The following APBB2 variants were observed in gnomAD, a reference collection of about 807,000 sequenced individuals.
The protein encoded by APBB2 is amyloid beta precursor protein binding family B member 2, also known as Fe65-like 1.
Under a neutral mutation model 82.5 loss-of-function variants are expected in APBB2, and 38 were observed. The observed-to-expected ratio is 0.46, with a 90% confidence interval of 0.36 to 0.60. The LOEUF is 0.60. Among genes scored for constraint, APBB2 ranks in the 20% least tolerant of loss-of-function variants. APBB2 has a pLI of 0.00. For synonymous variants in APBB2, 341 were observed against 368.2 expected, an observed-to-expected ratio of 0.93 and a Z score of 0.85; for missense variants, 772 against 972.3, an observed-to-expected ratio of 0.79 and a Z score of 2.74.
intron 2 of APBB2, among the ~76,000 whole-genome samples, chr4:41,140,443 TA>T (rs1281227511): frequency 2.0e-5 from 3 of 152,226 alleles, no homozygotes; most frequent in African/African-American, 7.2e-5. Context: ...TCTACCTTGT[TA>T]AATAATCGCC....
intron 12 of APBB2, among the ~76,000 whole-genome samples, chr4:40,872,546 T>A (rs1343509488): frequency 1.3e-5 from 2 of 152,092 alleles, no homozygotes; most frequent in Non-Finnish European, 2.9e-5. Context: ...CATGGCTACA[T>A]CCTTGGTGCC....
chr4:40,816,254 T>C lies in APBB2; in HGVS notation c.2118A>G (p.Arg706=), dbSNP rs1249493253. 5 of 1,614,020 alleles carry C rather than the reference T, an allele frequency of 3.1e-6. No individual in the cohort carries two copies. The highest frequency in any genetic ancestry group is 1.3e-5 in the African/African-American group (1 of 74,918). The part of the protein sequence containing the change: ...SEAVQAACML[R]YQKCLVARPP... Reference sequence around the variant, plus strand: ...GCCTGGCTACCAAGCACTTCTGATATCGTAACTGAAATAAAACAAAACGTG... The same window carrying C: ...GCCTGGCTACCAAGCACTTCTGATACCGTAACTGAAATAAAACAAAACGTG... The change falls in exon 18 of 18, where the codon CGA becomes CGG. Residue 706 remains arginine (R), a synonymous_variant. Coordinates refer to ENST00000508593, the MANE Select transcript of APBB2 (RefSeq NM_004307.2).
chr4:40,983,043 A>T (rs1441578046), intron 6 of APBB2, among the ~76,000 whole-genome samples: 1 of 152,212 alleles, frequency 6.6e-6, no homozygotes, highest in East Asian at 1.9e-4. Flanking sequence ...GGGCTATGAA[A>T]ATACTAAGCA....
intron 10 of APBB2, among the ~76,000 whole-genome samples, chr4:40,924,907 A>G (rs1264160158): frequency 2.0e-5 from 3 of 152,258 alleles, no homozygotes; most frequent in African/African-American, 7.2e-5. Flanking sequence ...ATCTGTTCCT[A>G]AAAGCATTTG....
intron 6 of APBB2, among the ~76,000 whole-genome samples, chr4:40,994,978 T>C (rs539852263): frequency 9.9e-5 from 15 of 152,096 alleles, no homozygotes; most frequent in Middle Eastern, 3.4e-3. Context: ...AAAGCAATCA[T>C]TCCCTTTTCT....
chr4:41,090,417 T>G (rs764412070), intron 3 of APBB2, among the ~76,000 whole-genome samples: 3 of 152,198 alleles, frequency 2.0e-5, no homozygotes, highest in Non-Finnish European at 4.4e-5. Flanking sequence ...AACAACTGGT[T>G]GTAATAAAAG....
intron 6 of APBB2, among the ~76,000 whole-genome samples, chr4:41,010,303 C>T (rs1237581395): frequency 6.6e-6 from 1 of 152,150 alleles, no homozygotes; most frequent in Non-Finnish European, 1.5e-5. Flanking sequence ...AATACCTATC[C>T]TCAGCAACTT....
intron 6 of APBB2, among the ~76,000 whole-genome samples, chr4:40,952,275 G>A (rs565606125): frequency 1.5e-4 from 22 of 151,624 alleles, no homozygotes; most frequent in South Asian, 2.1e-4. Context: ...CAGCAGGGCC[G>A]GACTTCCAGG....
intron 1 of APBB2, among the ~76,000 whole-genome samples, chr4:41,188,889 G>A (rs1249206210): frequency 6.6e-6 from 1 of 152,076 alleles, no homozygotes; most frequent in African/African-American, 2.4e-5. Context: ...CTCCAGCCTA[G>A]GTGACAGTGA....
chr4:41,142,388 C>A (rs1047015453), intron 2 of APBB2, among the ~76,000 whole-genome samples: 29 of 151,794 alleles, frequency 1.9e-4, no homozygotes, highest in Admixed American at 1.6e-3. Flanking sequence ...TCAGGACATT[C>A]TCTTCCCCTG....
intron 1 of APBB2, among the ~76,000 whole-genome samples, chr4:41,201,234 G>A (rs368687471): frequency 5.3e-5 from 8 of 152,090 alleles, no homozygotes; most frequent in African/African-American, 1.9e-4. Flanking sequence ...AATCCCAACT[G>A]ATACATTTCC....
intron 10 of APBB2, among the ~76,000 whole-genome samples, chr4:40,894,285 G>A (rs1022653546): frequency 6.0e-5 from 9 of 149,770 alleles, no homozygotes; most frequent in Admixed American, 4.0e-4. Context: ...ACGAGACTCC[G>A]TCTCAAAAAA....
chr4:41,056,436 C>T (rs1389897605), intron 4 of APBB2, among the ~76,000 whole-genome samples: 1 of 152,140 alleles, frequency 6.6e-6, no homozygotes, highest in Non-Finnish European at 1.5e-5. Context: ...CCATTGTGTC[C>T]TGTTGGAGGA....
At position 40,826,745 on chromosome 4, in the gene APBB2, CT is replaced by C. The variant is rs1750080418; in HGVS notation, c.1732+386del. 1 of 177,980 alleles carries C rather than the reference CT, an allele frequency of 5.6e-6. No individual in the cohort carries two copies. Among genetic ancestry groups the C allele is most frequent in the Admixed American group, 5.9e-5 (1 of 17,060 alleles). 11.0% of individuals were successfully genotyped at this position (177,980 alleles called of 1,614,324 possible). On this transcript the variant is annotated intron_variant, in intron 14 of 17. Coordinates refer to ENST00000508593, the MANE Select transcript of APBB2 (RefSeq NM_004307.2). This position sits in a 1 kb window ranked among gnomAD's most constrained non-coding sequence, Gnocchi z 4.5. Reference sequence around the variant, plus strand: ...CTGGCTGAACCATCAACTGAGGTAACTCACTACCTTCAGACCAGCCCAACCC... The same window carrying C: ...CTGGCTGAACCATCAACTGAGGTAACCACTACCTTCAGACCAGCCCAACCC...
intron 10 of APBB2, among the ~76,000 whole-genome samples, chr4:40,896,544 A>G (rs1014216628): frequency 1.8e-4 from 28 of 152,370 alleles, no homozygotes; most frequent in South Asian, 4.1e-4. Flanking sequence ...AGAAAATAAT[A>G]TAAGTAGTGA....
chr4:40,874,661 C>A (rs973532300), intron 12 of APBB2, among the ~76,000 whole-genome samples: 12 of 152,116 alleles, frequency 7.9e-5, no homozygotes, highest in South Asian at 2.1e-4. Context: ...GAAGGTTCGC[C>A]GTTAATGAAG....
intron 12 of APBB2, among the ~76,000 whole-genome samples, chr4:40,887,301 G>A (rs1275892449): frequency 6.6e-6 from 1 of 152,190 alleles, no homozygotes; most frequent in Non-Finnish European, 1.5e-5. Flanking sequence ...GCTCAGGGAA[G>A]CACTCTGGAT....
rs762554736 is a variant in APBB2, at chr4:41,086,942, ACACACAC to A, written c.-149+13690_-149+13696del. On this transcript the variant is annotated intron_variant, in intron 3 of 17. Coordinates refer to ENST00000508593, the MANE Select transcript of APBB2 (RefSeq NM_004307.2). ...ATTCCACACACACACACACACACAC[ACACACAC>A]AAAAAACCTGTCAGAATAAGATAAA... 1.1e-4 allele frequency among the ~76,000 whole-genome samples: 17 copies of A among 147,984 alleles called. 1 individual carries two copies. Among genetic ancestry groups the A allele is most frequent in the Non-Finnish European group, 2.4e-4 (16 of 66,672 alleles).
intron 6 of APBB2, among the ~76,000 whole-genome samples, chr4:41,004,978 C>T (rs1206599792): frequency 1.3e-5 from 2 of 152,114 alleles, no homozygotes; most frequent in Non-Finnish European, 2.9e-5. Context: ...ACCAATACTG[C>T]TCAGTGAAAA....
Sources: gnomAD v4.1 joint callset for allele counts (sites outside exome capture counted in the v4.1 genomes callset) on GRCh38, gnomAD v4.1.1 for gene constraint, Gnocchi (gnomAD v3.1) non-coding constraint, MANE v1.5 for transcripts, NCBI Gene and HGNC (gene_info 2026-07-23, HGNC 2026-07-21) for gene names.